SOCS5: variants seen among roughly 807,000 people sequenced by gnomAD.
SOCS5 encodes the protein CIS-6.
In SOCS5, 32 loss-of-function variants were observed where a neutral mutation model predicts 42.8. That is an observed-to-expected ratio of 0.75 (90% CI 0.56 to 1.01). The LOEUF (loss-of-function observed/expected upper bound fraction) is 1.01, where lower values mean the gene tolerates loss of function less well. Among genes scored for constraint, SOCS5 ranks in the 50% least tolerant of loss-of-function variants. The probability of loss-of-function intolerance (pLI) is 0.00; values close to 1 mark genes in which losing one functional copy is unlikely to be tolerated. For synonymous variants in SOCS5, 283 were observed against 229.6 expected, an observed-to-expected ratio of 1.23 and a Z score of -2.10; for missense variants, 627 against 653.0, an observed-to-expected ratio of 0.96 and a Z score of 0.43.
intron 1 of SOCS5, among the ~76,000 whole-genome samples, chr2:46,757,720 A>G (rs1673761579): frequency 6.6e-6 from 1 of 152,136 alleles, no homozygotes; most frequent in Non-Finnish European, 1.5e-5. Context: ...TACAAAAATT[A>G]GCCGGGCGTG....
At chr2:46,751,280 C>T (rs1673617302) in intron 1 of SOCS5, among the ~76,000 whole-genome samples, 3 of 151,846 alleles carry the variant, frequency 2.0e-5, no homozygotes, top group Admixed American at 2.0e-4. Context: ...AGCTTTTTTC[C>T]AGAGTTTTAT....
At chr2:46,741,516 A>G (rs188664377) in intron 1 of SOCS5, among the ~76,000 whole-genome samples, 1 of 152,346 alleles carries the variant, frequency 6.6e-6, no homozygotes, top group Admixed American at 6.5e-5. Context: ...ATTGAATCTA[A>G]TATTTTGGAA....
At chr2:46,725,884 A>G (rs1308161547) in intron 1 of SOCS5, among the ~76,000 whole-genome samples, 3 of 152,108 alleles carry the variant, frequency 2.0e-5, no homozygotes, top group South Asian at 2.1e-4. Context: ...TGAGTTGACA[A>G]TTATTTTCTT....
At chr2:46,739,943 A>T (rs538051564) in intron 1 of SOCS5, among the ~76,000 whole-genome samples, 1 of 152,372 alleles carries the variant, frequency 6.6e-6, no homozygotes, top group East Asian at 1.9e-4. Flanking sequence ...AATAATGCCC[A>T]GGAGGATCTC....
At chr2:46,710,191 C>T (rs773405332) in intron 1 of SOCS5, among the ~76,000 whole-genome samples, 3 of 152,128 alleles carry the variant, frequency 2.0e-5, no homozygotes, top group African/African-American at 4.8e-5. Flanking sequence ...CTGTTGCCCA[C>T]GCTGGAGTGC....
At chr2:46,715,422 T>C (rs1169714884) in intron 1 of SOCS5, among the ~76,000 whole-genome samples, 2 of 152,014 alleles carry the variant, frequency 1.3e-5, no homozygotes, top group African/African-American at 4.8e-5. Flanking sequence ...ATATTTACCT[T>C]CATTTAACCA....
At chr2:46,740,460 G>A (rs1202461517) in intron 1 of SOCS5, among the ~76,000 whole-genome samples, 1 of 152,212 alleles carries the variant, frequency 6.6e-6, no homozygotes, top group East Asian at 1.9e-4. Context: ...TACACATGAT[G>A]TGTATCATAA....
chr2:46,704,555 G>A (rs776023809), intron 1 of SOCS5, among the ~76,000 whole-genome samples: 16 of 152,144 alleles, frequency 1.1e-4, no homozygotes, highest in Non-Finnish European at 1.9e-4. Flanking sequence ...AATACCACAG[G>A]TTGGCACGTC....
At chr2:46,738,377 C>CT (rs745717784) in intron 1 of SOCS5, among the ~76,000 whole-genome samples, 1 of 152,144 alleles carries the variant, frequency 6.6e-6, no homozygotes, top group Non-Finnish European at 1.5e-5. Context: ...AAAAAAGAAA[C>CT]TGTTGAACTA....
intron 1 of SOCS5, among the ~76,000 whole-genome samples, chr2:46,751,187 G>A (rs1399394010): frequency 1.3e-5 from 2 of 152,036 alleles, no homozygotes; most frequent in Admixed American, 1.3e-4. Context: ...TTATGTCAGA[G>A]CCTGGTACAT....
chr2:46,703,764 T>G (rs1420838967), intron 1 of SOCS5, among the ~76,000 whole-genome samples: 1 of 152,194 alleles, frequency 6.6e-6, no homozygotes, highest in African/African-American at 2.4e-5. Context: ...TGTTAGAGAA[T>G]GAAAGAGGGA....
chr2:46,746,931 T>C (rs1483226503), intron 1 of SOCS5, among the ~76,000 whole-genome samples: 1 of 147,112 alleles, frequency 6.8e-6, no homozygotes, highest in African/African-American at 2.5e-5. Flanking sequence ...TCTTTTTTTT[T>C]TTTTTTTTTT....
intron 1 of SOCS5, among the ~76,000 whole-genome samples, chr2:46,744,570 C>G (rs953357430): frequency 2.0e-5 from 3 of 151,364 alleles, no homozygotes; most frequent in Non-Finnish European, 4.4e-5. Flanking sequence ...TCTTGTTGCC[C>G]AAGCTGGAGT....
At chr2:46,713,158 C>G (rs917149511) in intron 1 of SOCS5, among the ~76,000 whole-genome samples, 2 of 152,136 alleles carry the variant, frequency 1.3e-5, no homozygotes, top group African/African-American at 4.8e-5. Flanking sequence ...AAGTTTGAGA[C>G]CAGCTTGGGC....
At chr2:46,719,521 C>G (rs574363808) in intron 1 of SOCS5, among the ~76,000 whole-genome samples, 2 of 152,162 alleles carry the variant, frequency 1.3e-5, no homozygotes, top group East Asian at 3.9e-4. Flanking sequence ...AGCCAGTGTT[C>G]CTGCCCACTT....
chr2:46,759,043 T>G lies in SOCS5; in HGVS notation c.513T>G (p.Thr171=), dbSNP rs189285831. ...VHDMDSVSSR[T]VGSRSLRQRL... is the part of the protein sequence containing the mutation. ...ACATGGACAGTGTTTCCAGCAGAACTGTAGGAAGTCGCTCTCTAAGACAGA... is the reference window on the plus strand; with the variant it reads ...ACATGGACAGTGTTTCCAGCAGAACGGTAGGAAGTCGCTCTCTAAGACAGA... The change falls in exon 2 of 2, where the codon ACT becomes ACG. Residue 171 remains threonine, a synonymous_variant. Coordinates refer to ENST00000394861, the MANE Select transcript of SOCS5 (RefSeq NM_144949.3). The G allele has an allele frequency of 7.4e-6, 12 of 1,613,978 alleles. No individual in the cohort carries two copies. In the East Asian group the frequency reaches 2.5e-4, roughly 33 times the overall value.
intron 1 of SOCS5, among the ~76,000 whole-genome samples, chr2:46,700,222 G>A (rs2103681721): frequency 6.6e-6 from 1 of 152,294 alleles, no homozygotes; most frequent in Non-Finnish European, 1.5e-5. Flanking sequence ...TTGAGGGATT[G>A]GAGTCACAAG....
At chr2:46,746,632 C>A (rs1316215714) in intron 1 of SOCS5, among the ~76,000 whole-genome samples, 1 of 149,380 alleles carries the variant, frequency 6.7e-6, no homozygotes, top group Non-Finnish European at 1.5e-5. Context: ...GCCTGGGCGA[C>A]AGAGACTCCA....
At chr2:46,744,770 C>T (rs1055454728) in intron 1 of SOCS5, among the ~76,000 whole-genome samples, 12 of 151,846 alleles carry the variant, frequency 7.9e-5, no homozygotes, top group East Asian at 1.9e-4. Context: ...TCCGGTGATC[C>T]GCCCACCTCA....
Sources: allele counts gnomAD v4.1 joint callset (sites outside exome capture counted in the v4.1 genomes callset), GRCh38; gene constraint gnomAD v4.1.1; transcripts MANE v1.5; gene names NCBI Gene and HGNC (gene_info 2026-07-23, HGNC 2026-07-21).